Variants in PACS1 observed in about 807,000 individuals in gnomAD.
PACS1 encodes PACS-1.
Under a neutral mutation model 115.0 loss-of-function variants are expected in PACS1, and 24 were observed. That is an observed-to-expected ratio of 0.21 (90% CI 0.15 to 0.29). The LOEUF (loss-of-function observed/expected upper bound fraction) is 0.29, where lower values mean the gene tolerates loss of function less well. PACS1 is among the 10% of genes least tolerant of loss of function. The pLI is 1.00. For missense variants in PACS1, 838 were observed against 1,251.2 expected (o/e 0.67, Z 4.98); for synonymous variants, 453 against 504.5 (o/e 0.90, Z 1.37).
chr11:66,091,329 C>A (rs1590737186), intron 1 of PACS1, among the ~76,000 whole-genome samples: 1 of 151,930 alleles, frequency 6.6e-6, no homozygotes, highest in East Asian at 1.9e-4. Context: ...TTAGTGGAGA[C>A]GAGGTTTCAC....
chr11:66,092,945 A>G (rs543496505), intron 1 of PACS1, among the ~76,000 whole-genome samples: 1 of 152,312 alleles, frequency 6.6e-6, no homozygotes, highest in African/African-American at 2.4e-5. Context: ...GAAGTCAGGT[A>G]GCGTGATGCC....
At chr11:66,142,547 A>G (rs534551001) in intron 1 of PACS1, among the ~76,000 whole-genome samples, 121 of 151,316 alleles carry the variant, frequency 8.0e-4, no homozygotes, top group Non-Finnish European at 1.5e-3. Context: ...AGCTCAGGCA[A>G]TCCTCCCACC....
chr11:66,184,014 T>C lies in PACS1; in HGVS notation c.357-9472T>C, dbSNP rs537453447. On this transcript the variant is annotated intron_variant, in intron 1 of 23. Transcript: ENST00000320580. ...GCCAGTCTTCAATCTGGTCCAGAGT[T>C]CTGCCTCCTACCTCACGACCATCAT... 5.3e-5 allele frequency among the ~76,000 whole-genome samples: 8 copies of C among 152,266 alleles called. No homozygotes were observed. The South Asian group carries it at 1.7e-3, about 32-fold the overall frequency.
intron 14 of PACS1, 143 bp downstream of exon 14, chr11:66,232,419 C>G: frequency 8.6e-6 from 5 of 581,048 alleles, no homozygotes; most frequent in South Asian, 8.6e-5. Context: ...TGAACTGAGC[C>G]CAGAACTCTG....
chr11:66,070,897 C>T lies in PACS1; in HGVS notation c.356+55C>T, dbSNP rs1857297168. ...GGGGGAGCGGGGTGGCCGCCGGGGC[C>T]CAGCCCTCCCCGCCCCAGCGCCCAT... is the stretch of plus-strand genomic sequence containing the variant. On this transcript the variant is annotated intron_variant, in intron 1 of 23. Coordinates refer to ENST00000320580, the MANE Select transcript of PACS1 (RefSeq NM_018026.4). The surrounding 1 kb of genome is among the most constrained non-coding windows in gnomAD (Gnocchi z 5.9). The T allele has an allele frequency of 7.3e-7, 1 of 1,372,128 alleles. No individual in the cohort carries two copies. Among genetic ancestry groups the T allele is most frequent in the African/African-American group, 1.5e-5 (1 of 65,308 alleles). 85.0% of individuals were successfully genotyped at this position (1,372,128 alleles called of 1,614,324 possible).
At chr11:66,074,910 A>C (rs1204073532) in intron 1 of PACS1, among the ~76,000 whole-genome samples, 3 of 148,794 alleles carry the variant, frequency 2.0e-5, no homozygotes, top group Non-Finnish European at 4.5e-5. Context: ...TCTTCCATGC[A>C]TTAGTTTAAT....
At chr11:66,151,927 T>C (rs1448475404) in intron 1 of PACS1, among the ~76,000 whole-genome samples, 1 of 152,114 alleles carries the variant, frequency 6.6e-6, no homozygotes, top group Non-Finnish European at 1.5e-5. Flanking sequence ...AAATAAGTAA[T>C]AGCTGAAATA....
intron 1 of PACS1, among the ~76,000 whole-genome samples, chr11:66,154,905 A>G (rs1340491928): frequency 6.6e-6 from 1 of 152,254 alleles, no homozygotes; most frequent in Non-Finnish European, 1.5e-5. Context: ...TGACTTCTAC[A>G]GCACCGCAAG....
intron 1 of PACS1, among the ~76,000 whole-genome samples, chr11:66,177,723 A>C (rs2134649460): frequency 6.6e-6 from 1 of 152,012 alleles, no homozygotes; most frequent in East Asian, 1.9e-4. Context: ...CAATCCTCCC[A>C]TCTCAGCCCT....
chr11:66,105,406 A>G (rs1334171485), intron 1 of PACS1, among the ~76,000 whole-genome samples: 1 of 152,210 alleles, frequency 6.6e-6, no homozygotes, highest in East Asian at 1.9e-4. Flanking sequence ...CTGGGCAACA[A>G]GAGTGAAACT....
chr11:66,177,731 C>T (rs1453791802), intron 1 of PACS1, among the ~76,000 whole-genome samples: 1 of 152,022 alleles, frequency 6.6e-6, no homozygotes, highest in Admixed American at 6.6e-5. Flanking sequence ...CCATCTCAGC[C>T]CTGCAAGTAG....
chr11:66,147,612 T>C (rs1473235852), intron 1 of PACS1, among the ~76,000 whole-genome samples: 2 of 152,222 alleles, frequency 1.3e-5, no homozygotes, highest in Non-Finnish European at 2.9e-5. Context: ...GTAATTTTTC[T>C]AAATGGTAAT....
At chr11:66,148,792 G>T (rs926597049) in intron 1 of PACS1, among the ~76,000 whole-genome samples, 1 of 152,066 alleles carries the variant, frequency 6.6e-6, no homozygotes, top group Non-Finnish European at 1.5e-5. Flanking sequence ...TGGGCATGTT[G>T]GCGTGCATCT....
chr11:66,157,716 A>G (rs1859392246), intron 1 of PACS1, among the ~76,000 whole-genome samples: 1 of 151,880 alleles, frequency 6.6e-6, no homozygotes, highest in African/African-American at 2.4e-5. Context: ...CACAGACACC[A>G]TCTCTGCCCA....
At chr11:66,071,102 CGATTGGGCT>C (rs2134487558) in intron 1 of PACS1, among the ~76,000 whole-genome samples, 1 of 152,310 alleles carries the variant, frequency 6.6e-6, no homozygotes, top group Admixed American at 6.5e-5. Flanking sequence ...GGGCTTTCTC[CGATTGGGCT>C]GACCGAATCC....
chr11:66,242,895 C>A lies in PACS1; in HGVS notation c.2657-17C>A. 2 of 1,613,864 alleles carry A rather than the reference C, an allele frequency of 1.2e-6. No homozygotes were observed. Among genetic ancestry groups the A allele is most frequent in the Non-Finnish European group, 1.7e-6 (2 of 1,179,888 alleles). ...TCCCCAGGGGCTGGGACACAGGTGG[C>A]CTTGCTTGCTTTCCAGTTCCCACCA... On this transcript the variant is annotated splice_polypyrimidine_tract_variant and intron_variant, in intron 22 of 23. Coordinates refer to ENST00000320580, the MANE Select transcript of PACS1 (RefSeq NM_018026.4).
At chr11:66,194,275 G>C (rs989791076) in intron 2 of PACS1, among the ~76,000 whole-genome samples, 2 of 152,092 alleles carry the variant, frequency 1.3e-5, no homozygotes, top group Non-Finnish European at 1.5e-5. Context: ...GCACTTCAGA[G>C]GTTTTCTATA....
chr11:66,128,094 C>A (rs1858620569), intron 1 of PACS1, among the ~76,000 whole-genome samples: 1 of 151,974 alleles, frequency 6.6e-6, no homozygotes, highest in South Asian at 2.1e-4. Context: ...GAGAAAAAAG[C>A]CTCTATAGAT....
At chr11:66,147,735 A>G (rs1459350447) in intron 1 of PACS1, among the ~76,000 whole-genome samples, 1 of 152,132 alleles carries the variant, frequency 6.6e-6, no homozygotes, top group Non-Finnish European at 1.5e-5. Context: ...GTGGGAGGGA[A>G]GTGGGTTAGT....
Sources: allele counts gnomAD v4.1 joint callset (sites outside exome capture counted in the v4.1 genomes callset), GRCh38; gene constraint gnomAD v4.1.1; non-coding constraint Gnocchi (gnomAD v3.1); transcripts MANE v1.5; gene names NCBI Gene and HGNC (gene_info 2026-07-23, HGNC 2026-07-21).